The following SORCS1 variants were observed in gnomAD, a reference collection of about 807,000 sequenced individuals.
SORCS1 encodes sortilin related VPS10 domain containing receptor 1, also known as VPS10 domain-containing receptor SorCS1.
Under a neutral mutation model 146.1 loss-of-function variants are expected in SORCS1, and 60 were observed. That is an observed-to-expected ratio of 0.41 (90% CI 0.33 to 0.51). The LOEUF (loss-of-function observed/expected upper bound fraction) is 0.51. Ranked by LOEUF, SORCS1 falls within the 20% of genes least tolerant of loss-of-function variation. The pLI, the probability that SORCS1 is intolerant of heterozygous loss-of-function variation, is 0.21. For missense variants in SORCS1, 1,352 were observed against 1,487.6 expected, an observed-to-expected ratio of 0.91 and a Z score of 1.50; for synonymous variants, 637 against 584.0, an observed-to-expected ratio of 1.09 and a Z score of -1.31.
At chr10:106,645,925 C>T (rs897585588) in intron 18 of SORCS1, among the ~76,000 whole-genome samples, 34 of 151,670 alleles carry the variant, frequency 2.2e-4, no homozygotes, top group Non-Finnish European at 1.3e-4. Flanking sequence ...GAAATAATGC[C>T]TTAAATAACA....
At chr10:106,751,951 A>C (rs1490219191) in intron 5 of SORCS1, among the ~76,000 whole-genome samples, 2 of 152,220 alleles carry the variant, frequency 1.3e-5, no homozygotes, top group Non-Finnish European at 2.9e-5. Context: ...AATGAAAAGA[A>C]GACAATAAAG....
intron 1 of SORCS1, among the ~76,000 whole-genome samples, chr10:106,979,258 A>C (rs1475351179): frequency 6.6e-6 from 1 of 152,206 alleles, no homozygotes; most frequent in Non-Finnish European, 1.5e-5. Context: ...AGGTCTTCTT[A>C]GTTACCCACT....
intron 5 of SORCS1, among the ~76,000 whole-genome samples, chr10:106,741,630 G>A (rs1216157438): frequency 1.3e-5 from 2 of 151,662 alleles, no homozygotes; most frequent in Non-Finnish European, 2.9e-5. Flanking sequence ...TATAGAGAGA[G>A]AGAGAGTGAG....
At chr10:106,643,935 T>C (rs1024382867) in intron 18 of SORCS1, among the ~76,000 whole-genome samples, 4 of 152,212 alleles carry the variant, frequency 2.6e-5, no homozygotes, top group Admixed American at 2.6e-4. Flanking sequence ...TTCTGAACTC[T>C]GCTATAGTAT....
intron 3 of SORCS1, among the ~76,000 whole-genome samples, chr10:106,796,043 T>C (rs757499139): frequency 1.3e-4 from 20 of 152,370 alleles, no homozygotes; most frequent in Non-Finnish European, 2.2e-4. Context: ...AATCAAATCT[T>C]ATATACCTAT....
intron 2 of SORCS1, among the ~76,000 whole-genome samples, chr10:106,844,913 A>G (rs1949253099): frequency 6.7e-6 from 1 of 149,892 alleles, no homozygotes; most frequent in Admixed American, 6.7e-5. Context: ...ACATGAACTC[A>G]TCATTTTTTA....
intron 1 of SORCS1, among the ~76,000 whole-genome samples, chr10:107,109,394 C>A (rs1965525738): frequency 6.6e-6 from 1 of 152,234 alleles, no homozygotes; most frequent in Non-Finnish European, 1.5e-5. Context: ...AATCTGCAGG[C>A]TTAACACTAC....
intron 1 of SORCS1, among the ~76,000 whole-genome samples, chr10:106,983,737 C>T (rs982961671): frequency 1.3e-5 from 2 of 152,148 alleles, no homozygotes; most frequent in South Asian, 2.1e-4. Context: ...CAAACATACG[C>T]TGCCATCTCT....
intron 5 of SORCS1, among the ~76,000 whole-genome samples, chr10:106,730,547 C>T (rs1238207702): frequency 3.3e-5 from 5 of 152,162 alleles, no homozygotes; most frequent in East Asian, 3.8e-4. Flanking sequence ...AAACCACCTA[C>T]GACTGCCCTA....
intron 2 of SORCS1, among the ~76,000 whole-genome samples, chr10:106,834,299 C>T (rs1458088045): frequency 6.6e-6 from 1 of 152,172 alleles, no homozygotes; most frequent in Non-Finnish European, 1.5e-5. Context: ...ACTATCATCC[C>T]TAGGTATGGG....
At chr10:107,127,133 C>T (rs1183875856) in intron 1 of SORCS1, among the ~76,000 whole-genome samples, 1 of 151,448 alleles carries the variant, frequency 6.6e-6, no homozygotes, top group Non-Finnish European at 1.5e-5. Context: ...AAAAAAAATG[C>T]TCATGTTACA....
At chr10:107,065,374 A>T (rs1329013069) in intron 1 of SORCS1, among the ~76,000 whole-genome samples, 1 of 140,160 alleles carries the variant, frequency 7.1e-6, no homozygotes, top group Non-Finnish European at 1.5e-5. Flanking sequence ...GAGTGCTTCA[A>T]AACTTCTAAT....
At chr10:106,878,620 G>A (rs1042177232) in intron 2 of SORCS1, among the ~76,000 whole-genome samples, 5 of 84,918 alleles carry the variant, frequency 5.9e-5, no homozygotes, top group African/African-American at 1.8e-4. Context: ...AAACTACCTA[G>A]TATATATATA....
chr10:106,702,712 T>C (rs1854222002), intron 8 of SORCS1, among the ~76,000 whole-genome samples: 1 of 152,234 alleles, frequency 6.6e-6, no homozygotes, highest in Non-Finnish European at 1.5e-5. Context: ...AAAATATTTA[T>C]ATATTATCCT....
chr10:106,684,818 C>T (rs1852703090), intron 10 of SORCS1, among the ~76,000 whole-genome samples: 1 of 152,168 alleles, frequency 6.6e-6, no homozygotes, highest in Non-Finnish European at 1.5e-5. Context: ...GCCACCAGCT[C>T]CCAAGCCTAA....
chr10:106,647,037 A>G (rs1295922255), intron 18 of SORCS1, among the ~76,000 whole-genome samples: 7 of 100,948 alleles, frequency 6.9e-5, no homozygotes, highest in Non-Finnish European at 1.3e-4. Context: ...ATATATATAT[A>G]TATATGGTAA....
intron 16 of SORCS1, among the ~76,000 whole-genome samples, chr10:106,670,366 T>C (rs1851496655): frequency 6.6e-6 from 1 of 152,218 alleles, no homozygotes; most frequent in African/African-American, 2.4e-5. Context: ...TCAGTACTTC[T>C]CCAGTTTAAA....
chr10:106,826,571 C>T (rs531789601), intron 3 of SORCS1, among the ~76,000 whole-genome samples: 1 of 152,234 alleles, frequency 6.6e-6, no homozygotes, highest in East Asian at 1.9e-4. Context: ...CAAATATGTC[C>T]TTTGGGTGGG....
At chr10:106,704,690 AAAAACAAAAC>A (rs776872415) in intron 8 of SORCS1, among the ~76,000 whole-genome samples, 1 of 152,212 alleles carries the variant, frequency 6.6e-6, no homozygotes, top group Non-Finnish European at 1.5e-5. Context: ...ATTGTGTCTC[AAAAACAAAAC>A]AAAACAAAAA....
Sources: gnomAD v4.1 joint callset for allele counts (sites outside exome capture counted in the v4.1 genomes callset) on GRCh38, gnomAD v4.1.1 for gene constraint, MANE v1.5 for transcripts, NCBI Gene and HGNC (gene_info 2026-07-23, HGNC 2026-07-21) for gene names.